NRG3: variants seen among roughly 807,000 people sequenced by gnomAD.
NRG3 encodes neuregulin 3, also known as pro-neuregulin-3, membrane-bound isoform.
Under a neutral mutation model 66.9 loss-of-function variants are expected in NRG3, and 31 were observed. The observed-to-expected ratio is 0.46, with a 90% CI of 0.35 to 0.63. NRG3 has a LOEUF of 0.63. Ranked by LOEUF, NRG3 falls within the 20% of genes least tolerant of loss-of-function variation. The pLI is 0.00. For synonymous variants in NRG3, 393 were observed against 359.4 expected (o/e 1.09, Z -1.06); for missense variants, 910 against 878.9 (o/e 1.04, Z -0.45).
chr10:82,030,699 G>GAA (rs397697434), intron 1 of NRG3, among the ~76,000 whole-genome samples: 24 of 142,498 alleles, frequency 1.7e-4, no homozygotes, highest in Middle Eastern at 3.6e-3. Flanking sequence ...GTCTAATTTG[G>GAA]AAAAAAAAAA....
At chr10:82,639,923 C>A (rs113236293) in intron 2 of NRG3, among the ~76,000 whole-genome samples, 17,252 of 152,072 alleles carry the variant, frequency 0.11, 1,169 homozygotes, top group Middle Eastern at 0.27. Context: ...CCTCCTCCCA[C>A]CCTCCACCCT....
At chr10:82,837,632 A>G (rs2062844778) in intron 3 of NRG3, among the ~76,000 whole-genome samples, 1 of 152,214 alleles carries the variant, frequency 6.6e-6, no homozygotes, top group Admixed American at 6.5e-5. Context: ...CAGTGTGGAT[A>G]CAACCCAGAC....
At chr10:81,996,215 T>G (rs769300122) in intron 1 of NRG3, among the ~76,000 whole-genome samples, 1 of 152,210 alleles carries the variant, frequency 6.6e-6, no homozygotes, top group Non-Finnish European at 1.5e-5. Flanking sequence ...TTCTGTCTAT[T>G]GTTTAAAGGC....
At chr10:82,052,636 A>G (rs912931487) in intron 1 of NRG3, among the ~76,000 whole-genome samples, 1 of 152,210 alleles carries the variant, frequency 6.6e-6, no homozygotes, top group Middle Eastern at 3.2e-3. Context: ...GAAGAGTTAA[A>G]GTGATTAAGA....
intron 2 of NRG3, among the ~76,000 whole-genome samples, chr10:82,438,099 G>C (rs2090240193): frequency 6.6e-6 from 1 of 152,204 alleles, no homozygotes; most frequent in Non-Finnish European, 1.5e-5. Context: ...GCTTCACTGG[G>C]GGGAAACCCA....
chr10:81,909,048 C>A (rs577106017), intron 1 of NRG3, among the ~76,000 whole-genome samples: 2 of 152,196 alleles, frequency 1.3e-5, no homozygotes, highest in Admixed American at 6.5e-5. Flanking sequence ...TGTTTGAAAT[C>A]AAGGTGTTGG....
chr10:81,962,044 C>T (rs1423171760), intron 1 of NRG3, among the ~76,000 whole-genome samples: 1 of 152,128 alleles, frequency 6.6e-6, no homozygotes, highest in Non-Finnish European at 1.5e-5. Flanking sequence ...CTGTGTAGGA[C>T]CAAATAGTCA....
At chr10:82,265,386 A>C (rs1329835143) in intron 1 of NRG3, among the ~76,000 whole-genome samples, 1 of 152,182 alleles carries the variant, frequency 6.6e-6, no homozygotes, top group Non-Finnish European at 1.5e-5. Flanking sequence ...TAAGAAAGAA[A>C]ATGAGAGCAC....
chr10:82,946,445 A>G (rs1342252985), intron 4 of NRG3, among the ~76,000 whole-genome samples: 1 of 151,990 alleles, frequency 6.6e-6, no homozygotes, highest in Non-Finnish European at 1.5e-5. Context: ...AGGCTGAGGC[A>G]GGAAAATCGC....
intron 2 of NRG3, among the ~76,000 whole-genome samples, chr10:82,527,011 A>G (rs933688710): frequency 2.0e-5 from 3 of 152,060 alleles, no homozygotes; most frequent in African/African-American, 4.8e-5. Flanking sequence ...TGAACCAGCA[A>G]TCTCACATCA....
chr10:82,628,963 A>C (rs543555937), intron 2 of NRG3, among the ~76,000 whole-genome samples: 43 of 152,244 alleles, frequency 2.8e-4, no homozygotes, highest in African/African-American at 7.9e-4. Context: ...CTGAACTGAG[A>C]CCCTGGTCTT....
At chr10:82,504,447 A>G (rs751072297) in intron 2 of NRG3, among the ~76,000 whole-genome samples, 1 of 152,180 alleles carries the variant, frequency 6.6e-6, no homozygotes, top group African/African-American at 2.4e-5. Context: ...GGAAAGTCAC[A>G]GCACTTTGGA....
At chr10:81,882,768 A>T (rs1842296172) in intron 1 of NRG3, among the ~76,000 whole-genome samples, 1 of 152,138 alleles carries the variant, frequency 6.6e-6, no homozygotes, top group African/African-American at 2.4e-5. Flanking sequence ...ACAATGAAAG[A>T]TTATTGTTCT....
At chr10:82,069,582 A>T (rs1043562310) in intron 1 of NRG3, among the ~76,000 whole-genome samples, 1 of 152,226 alleles carries the variant, frequency 6.6e-6, no homozygotes, top group Non-Finnish European at 1.5e-5. Context: ...CATGTCTGCC[A>T]GCTCCAAACC....
chr10:82,534,457 G>T (rs757307763), intron 2 of NRG3, among the ~76,000 whole-genome samples: 1 of 151,972 alleles, frequency 6.6e-6, no homozygotes, highest in South Asian at 2.1e-4. Flanking sequence ...TAGAAGCAGG[G>T]TTTCACCATA....
intron 1 of NRG3, among the ~76,000 whole-genome samples, chr10:81,958,162 T>A (rs1349328211): frequency 6.6e-6 from 1 of 152,192 alleles, no homozygotes; most frequent in Non-Finnish European, 1.5e-5. Flanking sequence ...AATGGCCACA[T>A]CCTGTTCTGA....
At chr10:82,404,839 G>A (rs1564884198) in intron 2 of NRG3, among the ~76,000 whole-genome samples, 3 of 152,096 alleles carry the variant, frequency 2.0e-5, no homozygotes, top group Admixed American at 2.0e-4. Context: ...TGGTCTGAGA[G>A]CACCTTGAGA....
intron 1 of NRG3, among the ~76,000 whole-genome samples, chr10:82,042,475 C>A (rs2063090060): frequency 6.6e-6 from 1 of 151,954 alleles, no homozygotes; most frequent in African/African-American, 2.4e-5. Flanking sequence ...AATTTATGAT[C>A]AAAACTGCAA....
intron 4 of NRG3, among the ~76,000 whole-genome samples, chr10:82,904,503 G>T (rs1158537202): frequency 6.6e-6 from 1 of 152,154 alleles, no homozygotes; most frequent in Non-Finnish European, 1.5e-5. Flanking sequence ...CAAGCAAAAT[G>T]CATCAAAGTG....
Sources: allele counts gnomAD v4.1 joint callset (sites outside exome capture counted in the v4.1 genomes callset), GRCh38; gene constraint gnomAD v4.1.1; transcripts MANE v1.5; gene names NCBI Gene and HGNC (gene_info 2026-07-23, HGNC 2026-07-21).